GLIS1: variants seen among roughly 807,000 people sequenced by gnomAD.
GLIS1 encodes the protein zinc finger protein GLIS1.
In GLIS1, 24 loss-of-function variants were observed where a neutral mutation model predicts 63.8. The observed-to-expected ratio is 0.38, with a 90% CI of 0.27 to 0.53. GLIS1 has a LOEUF of 0.53. Among genes scored for constraint, GLIS1 ranks in the 20% least tolerant of loss-of-function variants. The probability of loss-of-function intolerance (pLI) is 0.85; values close to 1 mark genes in which losing one functional copy is unlikely to be tolerated. For synonymous variants in GLIS1, 450 were observed against 482.5 expected, an observed-to-expected ratio of 0.93 and a Z score of 0.88; for missense variants, 1,036 against 1,074.1, an observed-to-expected ratio of 0.96 and a Z score of 0.50.
intron 2 of GLIS1, among the ~76,000 whole-genome samples, chr1:53,689,963 G>C (rs1202002934): frequency 6.6e-6 from 1 of 152,154 alleles, no homozygotes; most frequent in East Asian, 1.9e-4. Context: ...CTTTCCCCTT[G>C]CTGTCAGGCC....
chr1:53,617,327 T>G (rs1206947373), intron 2 of GLIS1, among the ~76,000 whole-genome samples: 3 of 152,192 alleles, frequency 2.0e-5, no homozygotes, highest in Non-Finnish European at 2.9e-5. Flanking sequence ...TATTCAACTA[T>G]CTGTAAACAA....
chr1:53,542,631 G>A (rs1456767605), intron 4 of GLIS1, among the ~76,000 whole-genome samples: 1 of 152,222 alleles, frequency 6.6e-6, no homozygotes, highest in Non-Finnish European at 1.5e-5. Context: ...ACCCTCAAAC[G>A]ATGCTCCAGC....
At chr1:53,547,682 T>C (rs1008070673) in intron 4 of GLIS1, among the ~76,000 whole-genome samples, 2 of 152,256 alleles carry the variant, frequency 1.3e-5, no homozygotes, top group Non-Finnish European at 2.9e-5. Context: ...TCATCATTTT[T>C]GGTATGGCCG....
intron 2 of GLIS1, among the ~76,000 whole-genome samples, chr1:53,650,118 G>T (rs1645889480): frequency 6.6e-6 from 1 of 152,192 alleles, no homozygotes; most frequent in South Asian, 2.1e-4. Context: ...AATGTATTTT[G>T]TTAGTGTTCA....
intron 4 of GLIS1, among the ~76,000 whole-genome samples, chr1:53,586,494 C>T (rs765071513): frequency 6.6e-6 from 1 of 152,180 alleles, no homozygotes; most frequent in African/African-American, 2.4e-5. Flanking sequence ...TAGACTTTCC[C>T]TTTTCTCTTT....
At chr1:53,603,322 CCAG>C (rs2100555220) in intron 2 of GLIS1, among the ~76,000 whole-genome samples, 1 of 152,250 alleles carries the variant, frequency 6.6e-6, no homozygotes, top group South Asian at 2.1e-4. Flanking sequence ...AGCACCAGGG[CCAG>C]CAAGTGGTCA....
chr1:53,583,461 C>T (rs1280113566), intron 4 of GLIS1, among the ~76,000 whole-genome samples: 1 of 152,214 alleles, frequency 6.6e-6, no homozygotes, highest in Non-Finnish European at 1.5e-5. Context: ...AGTCTTGCCC[C>T]CCAGAATGCA....
chr1:53,665,730 G>A lies in GLIS1; in HGVS notation c.260-65452C>T, dbSNP rs150914125. 4.9e-3 allele frequency among the ~76,000 whole-genome samples: 747 copies of A among 152,312 alleles called. 5 individuals carry two copies. The highest frequency in any genetic ancestry group is 0.015 in the African/African-American group (632 of 41,558). ...ACGAAGAATCAGCAGAAGTGAGTGA[G>A]AAGCAGCTATCAAGGAGGTAGGAGA... is the stretch of plus-strand genomic sequence containing the variant. On this transcript the variant is annotated intron_variant, in intron 2 of 10. Transcript: ENST00000628545.
At chr1:53,658,850 C>T (rs1645995686) in intron 2 of GLIS1, among the ~76,000 whole-genome samples, 2 of 152,162 alleles carry the variant, frequency 1.3e-5, no homozygotes, top group African/African-American at 2.4e-5. Flanking sequence ...CAATACAGGG[C>T]CCCACCCAGA....
At chr1:53,732,848 T>C (rs1452027221) in intron 2 of GLIS1, among the ~76,000 whole-genome samples, 1 of 152,010 alleles carries the variant, frequency 6.6e-6, no homozygotes, top group Non-Finnish European at 1.5e-5. Flanking sequence ...TAACTTTGAA[T>C]ATAACCGTAT....
chr1:53,670,999 C>T (rs558446709), intron 2 of GLIS1, among the ~76,000 whole-genome samples: 55 of 152,200 alleles, frequency 3.6e-4, no homozygotes, highest in South Asian at 1.5e-3. Context: ...ATGTGGCACA[C>T]GAAGAAAAAT....
intron 6 of GLIS1, 98 bp downstream of exon 6, chr1:53,524,679 T>C (rs1644445959): frequency 1.3e-6 from 1 of 791,070 alleles, no homozygotes; most frequent in East Asian, 2.5e-5. Flanking sequence ...ACAGGGCGAG[T>C]GGGTGGGCAG....
intron 3 of GLIS1, among the ~76,000 whole-genome samples, chr1:53,596,430 T>G (rs1285864526): frequency 1.3e-5 from 2 of 152,124 alleles, no homozygotes; most frequent in Admixed American, 1.3e-4. Flanking sequence ...ATGCCTGAAG[T>G]CTGGCTAGGA....
intron 5 of GLIS1, 136 bp downstream of exon 5, chr1:53,529,655 A>C (rs1473103037): frequency 2.3e-6 from 2 of 858,366 alleles, no homozygotes; most frequent in Non-Finnish European, 3.6e-6. Context: ...ACACCATCCG[A>C]CCCACTGCCC....
chr1:53,658,077 T>C (rs1316779352), intron 2 of GLIS1, among the ~76,000 whole-genome samples: 1 of 152,114 alleles, frequency 6.6e-6, no homozygotes, highest in Non-Finnish European at 1.5e-5. Context: ...TCCACCCCTA[T>C]GCTCACCATT....
chr1:53,593,946 G>A (rs1171454617), intron 4 of GLIS1, among the ~76,000 whole-genome samples, 162 bp downstream of exon 4: 1 of 152,188 alleles, frequency 6.6e-6, no homozygotes, highest in Non-Finnish European at 1.5e-5. Context: ...TGACCGTCTT[G>A]ACCAGGGGCC....
intron 4 of GLIS1, among the ~76,000 whole-genome samples, chr1:53,578,914 G>T (rs1439725971): frequency 6.6e-6 from 1 of 152,206 alleles, no homozygotes; most frequent in Admixed American, 6.5e-5. Context: ...GAAGGGAAGG[G>T]GTGAAGAAAA....
chr1:53,518,869 T>C (rs1644378498), intron 7 of GLIS1, among the ~76,000 whole-genome samples: 1 of 152,242 alleles, frequency 6.6e-6, no homozygotes, highest in South Asian at 2.1e-4. Context: ...GAGGCCGGCA[T>C]CTGGGAGAAC....
intron 2 of GLIS1, among the ~76,000 whole-genome samples, chr1:53,728,445 T>C (rs1219801699): frequency 6.6e-6 from 1 of 152,170 alleles, no homozygotes; most frequent in Non-Finnish European, 1.5e-5. Context: ...AGATCATTAC[T>C]ATTATTATCC....
Sources: gnomAD v4.1 joint callset for allele counts (sites outside exome capture counted in the v4.1 genomes callset) on GRCh38, gnomAD v4.1.1 for gene constraint, MANE v1.5 for transcripts, NCBI Gene and HGNC (gene_info 2026-07-23, HGNC 2026-07-21) for gene names.